TAF1B: variants seen among roughly 807,000 people sequenced by gnomAD.
TAF1B encodes TATA box-binding protein-associated factor RNA polymerase I subunit B.
Under a neutral mutation model 83.9 loss-of-function variants are expected in TAF1B, and 61 were observed. The ratio of observed to expected loss-of-function variants is 0.73; its 90% CI spans 0.59 to 0.90. The LOEUF (loss-of-function observed/expected upper bound fraction) is 0.90, where lower values mean the gene tolerates loss of function less well. TAF1B is among the 40% of genes least tolerant of loss of function. The pLI is 0.00. For synonymous variants in TAF1B, 221 were observed against 224.6 expected (o/e 0.98, Z 0.14); for missense variants, 625 against 677.0 (o/e 0.92, Z 0.85).
chr2:9,880,052 G>C (rs1664450727), intron 7 of TAF1B, among the ~76,000 whole-genome samples: 1 of 152,140 alleles, frequency 6.6e-6, no homozygotes. Flanking sequence ...CGGAGACCAG[G>C]TGGTCTTTTG....
rs1273212815 is a variant in TAF1B, at chr2:9,911,492, T to C, written c.1134-19T>C. ...TACATGACTTCTAAATAAATTGATT[T>C]GTTTATTGTTATCTCCAGGTCTTTG... On this transcript the variant is annotated intron_variant, in intron 10 of 14. Transcript: ENST00000263663. 4.0e-6 allele frequency: 6 copies of C among 1,495,176 alleles called. No individual in the cohort carries two copies. The highest frequency in any genetic ancestry group is 4.5e-6 in the Non-Finnish European group (5 of 1,108,598). 92.6% of individuals were successfully genotyped at this position (1,495,176 alleles called of 1,614,324 possible). A position where few individuals can be genotyped will look rare whatever the true frequency, so the allele number is the denominator to read the frequency against.
chr2:9,881,531 A>T (rs1264264798), intron 7 of TAF1B, among the ~76,000 whole-genome samples: 1 of 151,958 alleles, frequency 6.6e-6, no homozygotes, highest in Non-Finnish European at 1.5e-5. Flanking sequence ...CCCATTTCTC[A>T]TTCTCAGTTC....
At chr2:9,861,834 A>T (rs1468616914) in intron 5 of TAF1B, among the ~76,000 whole-genome samples, 1 of 152,226 alleles carries the variant, frequency 6.6e-6, no homozygotes, top group East Asian at 1.9e-4. Flanking sequence ...CCAGGCAAAC[A>T]GGGTCTGGAG....
chr2:9,921,692 A>G (rs923840403), intron 14 of TAF1B, among the ~76,000 whole-genome samples: 1 of 152,220 alleles, frequency 6.6e-6, no homozygotes, highest in African/African-American at 2.4e-5. Flanking sequence ...TAAAAATTAC[A>G]GAGATAATCA....
intron 5 of TAF1B, among the ~76,000 whole-genome samples, chr2:9,859,780 T>G (rs936251394): frequency 2.0e-5 from 3 of 152,222 alleles, no homozygotes; most frequent in Non-Finnish European, 4.4e-5. Context: ...CTGCAAACTG[T>G]TCCAACCCCT....
chr2:9,882,644 G>A (rs181318839), intron 7 of TAF1B, 62 bp from the exon 8 acceptor site: 317 of 1,061,402 alleles, frequency 3.0e-4, no homozygotes, highest in Non-Finnish European at 4.0e-4. Context: ...TTTTCTTAAA[G>A]CATTTACTCT....
intron 5 of TAF1B, among the ~76,000 whole-genome samples, chr2:9,859,378 C>G (rs1344385177): frequency 2.0e-5 from 3 of 147,102 alleles, no homozygotes; most frequent in Admixed American, 1.4e-4. Flanking sequence ...GTCCATATCA[C>G]TATCAGCATT....
In TAF1B at chr2:9,914,506, A is replaced by T. The variant is rs1665621417; in HGVS notation, c.1271+1257A>T. Among the ~76,000 whole-genome samples the T allele has an allele frequency of 6.6e-6, 1 of 152,064 alleles. No homozygotes were observed. Among genetic ancestry groups the T allele is most frequent in the African/African-American group, 2.4e-5 (1 of 41,390 alleles). On this transcript the variant is annotated intron_variant, in intron 12 of 14. Transcript: ENST00000263663. This position sits in a 1 kb window ranked among gnomAD's most constrained non-coding sequence, Gnocchi z 4.3. ...CCTAAGGACTGGGTGCCTAGGGGCC[A>T]TTCCTCCCTGGGGTCTCAGTGGTGA...
intron 8 of TAF1B, among the ~76,000 whole-genome samples, chr2:9,898,810 T>G (rs934448743): frequency 6.6e-6 from 1 of 152,234 alleles, no homozygotes; most frequent in African/African-American, 2.4e-5. Context: ...GGTATAGATT[T>G]TGAATGTCTG....
At chr2:9,875,537 G>A (rs1224004121) in intron 6 of TAF1B, among the ~76,000 whole-genome samples, 3 of 152,170 alleles carry the variant, frequency 2.0e-5, no homozygotes, top group African/African-American at 4.8e-5. Flanking sequence ...AGAAGGTGAA[G>A]GAGAAGCAAA....
intron 9 of TAF1B, among the ~76,000 whole-genome samples, chr2:9,909,310 C>T (rs534940811): frequency 6.6e-6 from 1 of 152,314 alleles, no homozygotes; most frequent in South Asian, 2.1e-4. Context: ...AGGACATCTG[C>T]TTTAGCACTC....
At chr2:9,932,795 C>T (rs954087934) in intron 14 of TAF1B, among the ~76,000 whole-genome samples, 18 of 151,516 alleles carry the variant, frequency 1.2e-4, no homozygotes, top group African/African-American at 4.4e-4. Context: ...TTTACAGAGG[C>T]AGCAGGCCTT....
At chr2:9,899,341 A>T (rs1435671775) in intron 8 of TAF1B, among the ~76,000 whole-genome samples, 2 of 152,226 alleles carry the variant, frequency 1.3e-5, no homozygotes, top group East Asian at 3.8e-4. Flanking sequence ...AGTTCGTGTC[A>T]GAATTTCATT....
intron 12 of TAF1B, among the ~76,000 whole-genome samples, chr2:9,915,634 C>G (rs1374702000): frequency 1.3e-5 from 2 of 152,154 alleles, no homozygotes; most frequent in Non-Finnish European, 2.9e-5. Context: ...AAAAACTGAT[C>G]ATTCCCAGTG....
At chr2:9,888,790 G>GGTTTTTTTTTTTTT (rs753209727) in intron 8 of TAF1B, among the ~76,000 whole-genome samples, 1 of 81,666 alleles carries the variant, frequency 1.2e-5, no homozygotes. Context: ...CTTCTGCTTG[G>GGTTTTTTTTTTTTT]TTTTTTTTTT....
chr2:9,905,146 T>G (rs906090579), intron 9 of TAF1B, 140 bp downstream of exon 9: 4 of 664,300 alleles, frequency 6.0e-6, no homozygotes, highest in African/African-American at 5.5e-5. Context: ...TCAAAATCCT[T>G]TCTTAAAATA....
chr2:9,919,370 C>G (rs1242210701), intron 13 of TAF1B, among the ~76,000 whole-genome samples: 1 of 152,138 alleles, frequency 6.6e-6, no homozygotes, highest in African/African-American at 2.4e-5. Context: ...TTTGGAAATT[C>G]TTTGCTTATA....
chr2:9,904,756 A>AT (rs1426868222), intron 8 of TAF1B, 103 bp from the exon 9 acceptor site: 15 of 1,168,042 alleles, frequency 1.3e-5, no homozygotes, highest in Middle Eastern at 5.4e-4. Context: ...AGCATCTGTT[A>AT]TTTTTTTACT....
At position 9,849,452 on chromosome 2, in the gene TAF1B, AC is replaced by A. The variant is rs1409664445; in HGVS notation, c.198del (p.Asn66LysfsTer26). ...CTCAACCGGGGGCTTAAAAAAAAAA[AC>A]AATACTGGTAAGTTCTTTCTTCATA... ...KALNRGLKKK[N>X]NTEKGWDWYV... On this transcript the variant is annotated frameshift_variant, in exon 3 of 15. Transcript: ENST00000263663. LOFTEE classifies it high-confidence loss of function. 6.4e-6 allele frequency: 10 copies of A among 1,553,248 alleles called. No homozygotes were observed. The highest frequency in any genetic ancestry group is 1.4e-5 in the African/African-American group (1 of 72,356).
Sources: allele counts gnomAD v4.1 joint callset (sites outside exome capture counted in the v4.1 genomes callset), GRCh38; gene constraint gnomAD v4.1.1; non-coding constraint Gnocchi (gnomAD v3.1); transcripts MANE v1.5; gene names NCBI Gene and HGNC (gene_info 2026-07-23, HGNC 2026-07-21).